The following MDGA2 variants were observed in gnomAD, a reference collection of about 807,000 sequenced individuals.
The protein encoded by MDGA2 is MAM domain-containing glycosylphosphatidylinositol anchor protein 2.
Under a neutral mutation model 117.8 loss-of-function variants are expected in MDGA2, and 40 were observed. That is an observed-to-expected ratio of 0.34 (90% CI 0.26 to 0.44). The LOEUF (loss-of-function observed/expected upper bound fraction) is 0.44, where lower values mean the gene tolerates loss of function less well. Ranked by LOEUF, MDGA2 falls within the 20% of genes least tolerant of loss-of-function variation. MDGA2 has a pLI of 1.00. For synonymous variants in MDGA2, 452 were observed against 439.0 expected (o/e 1.03, Z -0.37); for missense variants, 1,123 against 1,250.6 (o/e 0.90, Z 1.54).
At chr14:47,667,298 G>A (rs1897992902) in intron 1 of MDGA2, among the ~76,000 whole-genome samples, 1 of 152,156 alleles carries the variant, frequency 6.6e-6, no homozygotes, top group Non-Finnish European at 1.5e-5. Flanking sequence ...GTCCAGCACA[G>A]GTGAGGCAAA....
intron 3 of MDGA2, among the ~76,000 whole-genome samples, chr14:47,160,513 A>G (rs1594680076): frequency 6.6e-6 from 1 of 152,214 alleles, no homozygotes; most frequent in East Asian, 1.9e-4. Flanking sequence ...AAAAACTAAA[A>G]ATTAGCTGGG....
chr14:46,983,168 A>C (rs1375924380), intron 8 of MDGA2, among the ~76,000 whole-genome samples: 1 of 152,164 alleles, frequency 6.6e-6, no homozygotes, highest in Non-Finnish European at 1.5e-5. Flanking sequence ...GCCCATATCT[A>C]TGCACACTCC....
chr14:47,575,609 T>G (rs1896101372), intron 1 of MDGA2, among the ~76,000 whole-genome samples: 1 of 152,156 alleles, frequency 6.6e-6, no homozygotes, highest in African/African-American at 2.4e-5. Flanking sequence ...CATTAGAAAA[T>G]AAAACTTTGG....
chr14:46,855,189 C>T lies in MDGA2; in HGVS notation c.2753-35G>A. On this transcript the variant is annotated intron_variant, in intron 14 of 16. Coordinates refer to ENST00000399232, the MANE Select transcript of MDGA2 (RefSeq NM_001113498.3). The surrounding 1 kb of genome is among the most constrained non-coding windows in gnomAD (Gnocchi z 4.1). The stretch of plus-strand genomic sequence containing the variant: ...ACAATAAAATTTTATTTTGCATATT[C>T]ATTTTCACCTCAAATTTGTTTTTCC... 1.3e-6 allele frequency: 2 copies of T among 1,565,350 alleles called. No individual in the cohort carries two copies. The highest frequency in any genetic ancestry group is 1.7e-6 in the Non-Finnish European group (2 of 1,156,622).
chr14:46,941,453 C>T (rs1853944905), intron 9 of MDGA2, among the ~76,000 whole-genome samples: 2 of 152,082 alleles, frequency 1.3e-5, no homozygotes, highest in African/African-American at 2.4e-5. Context: ...CTCTCCTGAC[C>T]ACTCTTAGTT....
intron 2 of MDGA2, among the ~76,000 whole-genome samples, chr14:47,290,416 A>G (rs1191186338): frequency 6.6e-6 from 1 of 152,114 alleles, no homozygotes; most frequent in Non-Finnish European, 1.5e-5. Context: ...AGCCCCCAGG[A>G]CTGTGAAAAA....
At chr14:47,319,777 A>G (rs188794105) in intron 1 of MDGA2, among the ~76,000 whole-genome samples, 468 of 152,292 alleles carry the variant, frequency 3.1e-3, no homozygotes, top group Non-Finnish European at 4.1e-3. Context: ...ATATTACCAA[A>G]AAAGGACATG....
intron 9 of MDGA2, among the ~76,000 whole-genome samples, chr14:46,933,656 A>G (rs1437068212): frequency 6.6e-6 from 1 of 151,346 alleles, no homozygotes; most frequent in African/African-American, 2.4e-5. Flanking sequence ...GAATTTGAAA[A>G]TTAATTAGAC....
At chr14:47,202,847 T>C (rs1885558491) in intron 3 of MDGA2, among the ~76,000 whole-genome samples, 1 of 152,122 alleles carries the variant, frequency 6.6e-6, no homozygotes, top group Admixed American at 6.5e-5. Flanking sequence ...TAGCACATAA[T>C]ACTGAATACA....
At chr14:47,479,949 G>C (rs1283100246) in intron 1 of MDGA2, among the ~76,000 whole-genome samples, 1 of 151,830 alleles carries the variant, frequency 6.6e-6, no homozygotes, top group Non-Finnish European at 1.5e-5. Context: ...CACTGTATAG[G>C]TTCACATCTT....
rs928049286 is a variant in MDGA2 at position 47,369,955 on chromosome 14, T to A, written c.281-68405A>T. ...TCAATAGAACTTTCTTTGTGACATTTTCTATTATTTAATGCCTAAAATGTT... is the reference window on the plus strand; with the variant it reads ...TCAATAGAACTTTCTTTGTGACATTATCTATTATTTAATGCCTAAAATGTT... On this transcript the variant is annotated intron_variant, in intron 1 of 16. Transcript: ENST00000399232. Among the ~76,000 whole-genome samples the A allele has an allele frequency of 3.9e-5, 6 of 152,192 alleles. 1 individual carries two copies. The East Asian group carries it at 1.2e-3, about 29-fold the overall frequency.
Position 47,631,536 on chromosome 14 carries a change from C to A in MDGA2, c.280+42981G>T, listed in dbSNP as rs1001215961. The stretch of plus-strand genomic sequence containing the variant: ...AATTTCTTCCCCAAATTATCCGTAA[C>A]GGATGACAATATTTCCTGCCACTCA... On this transcript the variant is annotated intron_variant, in intron 1 of 16. Transcript: ENST00000399232. Among the ~76,000 whole-genome samples, 3 of 152,294 alleles carry A rather than the reference C, an allele frequency of 2.0e-5. No homozygotes were observed. In the East Asian group the frequency reaches 5.8e-4, roughly 29 times the overall value.
intron 5 of MDGA2, among the ~76,000 whole-genome samples, chr14:47,112,692 C>A (rs1881108740): frequency 6.6e-6 from 1 of 152,080 alleles, no homozygotes; most frequent in Admixed American, 6.6e-5. Context: ...AACAGTGCTG[C>A]AATGAACATA....
chr14:46,944,315 T>G (rs371506892), intron 9 of MDGA2, among the ~76,000 whole-genome samples: 1 of 152,112 alleles, frequency 6.6e-6, no homozygotes, highest in Admixed American at 6.6e-5. Flanking sequence ...CTAAGCTGTA[T>G]TGTTTCTAAT....
intron 3 of MDGA2, among the ~76,000 whole-genome samples, chr14:47,178,402 C>G (rs1884563537): frequency 6.6e-6 from 1 of 152,128 alleles, no homozygotes; most frequent in African/African-American, 2.4e-5. Flanking sequence ...AAAGCTGGGA[C>G]TATGCCTGGT....
intron 1 of MDGA2, chr14:47,444,351 G>T: frequency 6.0e-6 from 1 of 166,122 alleles, no homozygotes; most frequent in Non-Finnish European, 1.3e-5. Flanking sequence ...TTTCAAATTT[G>T]CCAGTGTAAC....
At chr14:47,176,450 G>C (rs1884453211) in intron 3 of MDGA2, among the ~76,000 whole-genome samples, 1 of 152,066 alleles carries the variant, frequency 6.6e-6, no homozygotes, top group South Asian at 2.1e-4. Context: ...TACCAAAACA[G>C]ATATATAGAT....
chr14:46,983,931 T>C (rs1416327178), intron 8 of MDGA2, among the ~76,000 whole-genome samples: 4 of 151,908 alleles, frequency 2.6e-5, no homozygotes, highest in Admixed American at 1.3e-4. Context: ...TTAACATGAA[T>C]AGAATATTAC....
chr14:47,041,618 A>G (rs1889073129), intron 7 of MDGA2, among the ~76,000 whole-genome samples: 1 of 146,732 alleles, frequency 6.8e-6, no homozygotes, highest in African/African-American at 2.5e-5. Context: ...TATGACACCA[A>G]AGTTTCTCAT....
Sources: allele counts gnomAD v4.1 joint callset (sites outside exome capture counted in the v4.1 genomes callset), GRCh38; gene constraint gnomAD v4.1.1; non-coding constraint Gnocchi (gnomAD v3.1); transcripts MANE v1.5; gene names NCBI Gene and HGNC (gene_info 2026-07-23, HGNC 2026-07-21).